HS3ST4: variants seen among roughly 807,000 people sequenced by gnomAD.
HS3ST4 encodes the protein heparan sulfate glucosamine 3-O-sulfotransferase 4.
Under a neutral mutation model 29.2 loss-of-function variants are expected in HS3ST4, and 17 were observed. The ratio of observed to expected loss-of-function variants is 0.58; its 90% confidence interval spans 0.40 to 0.87. The LOEUF is 0.87. Ranked by LOEUF, HS3ST4 falls within the 40% of genes least tolerant of loss-of-function variation. The probability of loss-of-function intolerance (pLI) is 0.00; values close to 1 mark genes in which losing one functional copy is unlikely to be tolerated. For synonymous variants in HS3ST4, 314 were observed against 285.7 expected (o/e 1.10, Z -1.00); for missense variants, 627 against 634.5 (o/e 0.99, Z 0.13).
At chr16:26,027,312 T>C (rs1361447117) in intron 1 of HS3ST4, among the ~76,000 whole-genome samples, 3 of 152,148 alleles carry the variant, frequency 2.0e-5, no homozygotes, top group African/African-American at 7.2e-5. Flanking sequence ...ATTTCTGTGG[T>C]TCTCATTGGC....
At chr16:25,975,679 C>T (rs1968937310) in intron 1 of HS3ST4, among the ~76,000 whole-genome samples, 1 of 152,126 alleles carries the variant, frequency 6.6e-6, no homozygotes, top group African/African-American at 2.4e-5. Context: ...GGTCATCTTG[C>T]CCCTCCTCCA....
chr16:25,772,592 A>G (rs937431027), intron 1 of HS3ST4, among the ~76,000 whole-genome samples: 1 of 152,150 alleles, frequency 6.6e-6, no homozygotes, highest in South Asian at 2.1e-4. Context: ...TTATCTTCTT[A>G]TGGGCTTTTA....
At chr16:25,779,427 T>C (rs188401734) in intron 1 of HS3ST4, among the ~76,000 whole-genome samples, 105 of 152,360 alleles carry the variant, frequency 6.9e-4, no homozygotes, top group African/African-American at 2.4e-3. Flanking sequence ...AAGTCTGATC[T>C]TGAAGCCCAT....
chr16:25,822,913 T>A (rs1967176544), intron 1 of HS3ST4, among the ~76,000 whole-genome samples: 1 of 152,022 alleles, frequency 6.6e-6, no homozygotes, highest in African/African-American at 2.4e-5. Context: ...AATTTTTATA[T>A]TTTTAGTAGA....
chr16:26,054,891 G>A (rs1898389032), intron 1 of HS3ST4, among the ~76,000 whole-genome samples: 1 of 151,998 alleles, frequency 6.6e-6, no homozygotes, highest in African/African-American at 2.4e-5. Flanking sequence ...ACAGAAAGGT[G>A]TTTTCGCTTC....
chr16:25,828,264 CTT>C (rs1311292141), intron 1 of HS3ST4, among the ~76,000 whole-genome samples: 6 of 81,354 alleles, frequency 7.4e-5, no homozygotes, highest in African/African-American at 1.6e-4. Context: ...TTCTTTCTTT[CTT>C]TCTTTCTTTC....
At chr16:26,004,297 T>C (rs567358712) in intron 1 of HS3ST4, among the ~76,000 whole-genome samples, 6 of 152,290 alleles carry the variant, frequency 3.9e-5, no homozygotes, top group African/African-American at 1.4e-4. Context: ...CAGGTACACT[T>C]TTTTTCTCTA....
At chr16:25,998,290 A>G (rs971737860) in intron 1 of HS3ST4, among the ~76,000 whole-genome samples, 1 of 152,178 alleles carries the variant, frequency 6.6e-6, no homozygotes, top group East Asian at 1.9e-4. Context: ...CGAAAAAAAT[A>G]TATAATATTC....
At position 26,056,419 on chromosome 16, in the gene HS3ST4, A is replaced by G. The variant is rs540109102; in HGVS notation, c.735-79193A>G. ...ATTTTGGTGGTAATTACCCCATCAG[A>G]GTCCAAAGCTTCAAGACAGTCTCTG... On this transcript the variant is annotated intron_variant, in intron 1 of 1. Transcript: ENST00000331351. Among the ~76,000 whole-genome samples, 14 of 152,342 alleles carry G rather than the reference A, an allele frequency of 9.2e-5. No homozygotes were observed. The South Asian group carries it at 2.9e-3, about 32-fold the overall frequency.
In HS3ST4 at chr16:25,985,207, C is replaced by A. The variant is rs116877724; in HGVS notation, c.735-150405C>A. On this transcript the variant is annotated intron_variant, in intron 1 of 1. Transcript: ENST00000331351. ...GGGTTGCATTGGGAACTGTATGACA[C>A]CTGACACATGAAAATACCCAGTTCA... 8.8e-3 allele frequency among the ~76,000 whole-genome samples: 1,333 copies of A among 152,288 alleles called. 6 individuals carry two copies. Among genetic ancestry groups the A allele is most frequent in the Middle Eastern group, 0.017 (5 of 294 alleles).
intron 1 of HS3ST4, among the ~76,000 whole-genome samples, chr16:25,843,847 C>T (rs4787772): frequency 0.98 from 149,969 of 152,330 alleles, 73,850 homozygotes; most frequent in East Asian, 1. Context: ...GAGCTGGGAT[C>T]GCTTGATGCA....
At chr16:25,849,972 G>A (rs1241794139) in intron 1 of HS3ST4, among the ~76,000 whole-genome samples, 2 of 147,370 alleles carry the variant, frequency 1.4e-5, no homozygotes, top group Admixed American at 6.8e-5. Flanking sequence ...GTTTTATGTC[G>A]TATAATGAAA....
intron 1 of HS3ST4, among the ~76,000 whole-genome samples, chr16:25,712,235 C>A (rs926984526): frequency 6.6e-6 from 1 of 152,054 alleles, no homozygotes; most frequent in Non-Finnish European, 1.5e-5. Context: ...AAGAAGGAAA[C>A]AAAAGGCCAG....
intron 1 of HS3ST4, among the ~76,000 whole-genome samples, chr16:25,963,008 A>G (rs949317399): frequency 1.3e-5 from 2 of 152,216 alleles, no homozygotes; most frequent in Non-Finnish European, 2.9e-5. Flanking sequence ...GTGTATTTAT[A>G]TCAAAACGAA....
intron 1 of HS3ST4, among the ~76,000 whole-genome samples, chr16:25,902,027 A>C (rs1356740046): frequency 6.6e-6 from 1 of 152,152 alleles, no homozygotes; most frequent in Admixed American, 6.5e-5. Context: ...CTACCTCTGC[A>C]TCACATCTCC....
chr16:25,985,107 T>A (rs1348818933), intron 1 of HS3ST4, among the ~76,000 whole-genome samples: 1 of 152,236 alleles, frequency 6.6e-6, no homozygotes, highest in Admixed American at 6.5e-5. Context: ...TTTTACAACA[T>A]TGGACAAGTT....
chr16:25,736,058 C>T (rs1259932645), intron 1 of HS3ST4, among the ~76,000 whole-genome samples: 1 of 152,216 alleles, frequency 6.6e-6, no homozygotes, highest in Non-Finnish European at 1.5e-5. Context: ...TGCAATACTT[C>T]TCAAGAATCC....
intron 1 of HS3ST4, among the ~76,000 whole-genome samples, chr16:25,717,735 G>C (rs547959528): frequency 2.0e-5 from 3 of 152,196 alleles, no homozygotes; most frequent in African/African-American, 7.2e-5. Context: ...TAAAGAGTTA[G>C]GGTTTTGTCC....
At chr16:26,029,587 A>G (rs1969514121) in intron 1 of HS3ST4, among the ~76,000 whole-genome samples, 1 of 152,040 alleles carries the variant, frequency 6.6e-6, no homozygotes, top group African/African-American at 2.4e-5. Context: ...TAATTTTTGA[A>G]TTTTTAGTAG....
Sources: gnomAD v4.1 joint callset for allele counts (sites outside exome capture counted in the v4.1 genomes callset) on GRCh38, gnomAD v4.1.1 for gene constraint, MANE v1.5 for transcripts, NCBI Gene and HGNC (gene_info 2026-07-23, HGNC 2026-07-21) for gene names.